The following NBAS variants were observed in gnomAD, a reference collection of about 807,000 sequenced individuals.
NBAS encodes the protein NAG/BC035112 fusion.
NBAS carries 219 observed loss-of-function variants against 302.5 expected under a neutral mutation model. That is an observed-to-expected ratio of 0.72 (90% CI 0.65 to 0.81). The LOEUF is 0.81. NBAS is among the 30% of genes least tolerant of loss of function. The probability of loss-of-function intolerance (pLI) is 0.00; values close to 1 mark genes in which losing one functional copy is unlikely to be tolerated. For missense variants in NBAS, 2,932 were observed against 2,841.6 expected, an observed-to-expected ratio of 1.03 and a Z score of -0.72; for synonymous variants, 1,118 against 1,021.6, an observed-to-expected ratio of 1.09 and a Z score of -1.80.
the NBAS span, among the ~76,000 whole-genome samples, chr2:15,021,196 G>T: frequency 5.9e-3 from 905 of 152,130 alleles, 9 homozygotes; most frequent in South Asian, 0.03. Context: ...TCTTGCCACT[G>T]CACCCCAGCC....
At chr2:14,821,716 G>C in the NBAS span, among the ~76,000 whole-genome samples, 1 of 151,966 alleles carries the variant, frequency 6.6e-6, no homozygotes, top group Non-Finnish European at 1.5e-5. Flanking sequence ...TGTCTGGTTA[G>C]ATACATCCAA....
chr2:14,956,555 T>A, the NBAS span, among the ~76,000 whole-genome samples: 9 of 152,062 alleles, frequency 5.9e-5, 1 homozygote, highest in Middle Eastern at 0.017. Context: ...AGAAAAGAGG[T>A]TTAATTGACT....
At chr2:14,973,895 T>G in the NBAS span, among the ~76,000 whole-genome samples, 3 of 152,108 alleles carry the variant, frequency 2.0e-5, no homozygotes, top group Non-Finnish European at 4.4e-5. Flanking sequence ...ACAAAATAAC[T>G]CCAACCTCTT....
the NBAS span, among the ~76,000 whole-genome samples, chr2:14,863,837 T>A: frequency 6.6e-6 from 1 of 152,246 alleles, no homozygotes; most frequent in Admixed American, 6.5e-5. Flanking sequence ...TTTAAAAGCT[T>A]ACTACCTTCC....
chr2:15,190,211 C>T, intron 49 of NBAS, 53 bp downstream of exon 49: 1 of 1,601,280 alleles, frequency 6.2e-7, no homozygotes, highest in Non-Finnish European at 8.6e-7. Flanking sequence ...ATTTTTAGGG[C>T]TAAAGTCCAA....
chr2:15,373,952 A>G (rs1412591813), intron 31 of NBAS, among the ~76,000 whole-genome samples: 5 of 152,190 alleles, frequency 3.3e-5, no homozygotes, highest in African/African-American at 9.6e-5. Context: ...ACCTTCCTCA[A>G]CAGGGAAGGT....
chr2:15,167,272 T>C lies in NBAS; in HGVS notation c.6892A>G (p.Lys2298Glu), dbSNP rs1443086881. Residue 2298 changes from lysine (K) to glutamate (E), a missense_variant, in exon 52 of 52, where the codon AAG becomes GAG. Physicochemically the swap from Lys to Glu is moderately conservative, Grantham distance 56. Transcript: ENST00000281513. Reference protein sequence around the residue: ...QELLSLLLDAKLLVKCVSTPF... With the variant: ...QELLSLLLDAELLVKCVSTPF... Reference sequence around the variant, plus strand: ...GTGGAGACACACTTCACCAGCAGCTTGGCATCCAGGAGCAGGGAAAGAAGT... The same window carrying C: ...GTGGAGACACACTTCACCAGCAGCTCGGCATCCAGGAGCAGGGAAAGAAGT... The C allele has an allele frequency of 6.2e-7, 1 of 1,614,252 alleles. No homozygotes were observed. Among genetic ancestry groups the C allele is most frequent in the African/African-American group, 1.3e-5 (1 of 75,076 alleles).
chr2:15,160,170 G>A, the NBAS span, among the ~76,000 whole-genome samples: 1 of 152,102 alleles, frequency 6.6e-6, no homozygotes, highest in Non-Finnish European at 1.5e-5. Context: ...GATGGCTCTG[G>A]TGATTGCAGG....
chr2:15,383,513 T>G (rs546656935), intron 28 of NBAS, among the ~76,000 whole-genome samples, 196 bp from the exon 29 acceptor site: 5 of 152,186 alleles, frequency 3.3e-5, no homozygotes, highest in Non-Finnish European at 7.3e-5. Flanking sequence ...AGGGGAAAGT[T>G]GGGCAGCTAT....
At chr2:14,875,893 G>A in the NBAS span, among the ~76,000 whole-genome samples, 1 of 152,208 alleles carries the variant, frequency 6.6e-6, no homozygotes, top group East Asian at 1.9e-4. Context: ...ATCAATGGCT[G>A]CGTATCATGA....
rs1397236053 is a variant in NBAS, at chr2:15,492,351, T to C, written c.955-3329A>G. On this transcript the variant is annotated intron_variant, in intron 11 of 51. Coordinates refer to ENST00000281513, the MANE Select transcript of NBAS (RefSeq NM_015909.4). ...AGTAAGATGATAGAGTTATTAGTAGTAATTGGATTGTAGCCACTCAAGATT... is the reference window on the plus strand; with the variant it reads ...AGTAAGATGATAGAGTTATTAGTAGCAATTGGATTGTAGCCACTCAAGATT... Among the ~76,000 whole-genome samples the C allele has an allele frequency of 2.6e-5, 4 of 152,232 alleles. No homozygotes were observed. In the East Asian group the frequency reaches 5.8e-4, roughly 22 times the overall value.
chr2:14,837,018 C>A, the NBAS span, among the ~76,000 whole-genome samples: 20 of 151,778 alleles, frequency 1.3e-4, no homozygotes, highest in Admixed American at 1.3e-4. Flanking sequence ...CTATTAGCAA[C>A]CTTGCTAAAC....
At chr2:15,103,825 T>C in the NBAS span, among the ~76,000 whole-genome samples, 1 of 152,178 alleles carries the variant, frequency 6.6e-6, no homozygotes. Context: ...TGTAGCTTAC[T>C]TCTATCACAT....
At chr2:15,029,986 AT>A in the NBAS span, among the ~76,000 whole-genome samples, 5 of 152,334 alleles carry the variant, frequency 3.3e-5, no homozygotes, top group African/African-American at 1.2e-4. Context: ...AAAAGGATTC[AT>A]TTTTCAAAAA....
intron 20 of NBAS, 54 bp from the exon 21 acceptor site, chr2:15,461,391 T>C (rs1301974261): frequency 3.2e-6 from 5 of 1,570,198 alleles, no homozygotes; most frequent in East Asian, 2.2e-5. Flanking sequence ...AATAAAGGAG[T>C]GATTTTATAT....
rs556148067 is a variant in NBAS at position 15,441,387 on chromosome 2, T to A, written c.2340-13593A>T. ...AAAGAAAAGAATTTTCAAACCAGAA[T>A]TTCATATCCAGCCAAACTAAGCTTC... On this transcript the variant is annotated intron_variant, in intron 21 of 51. Coordinates refer to ENST00000281513, the MANE Select transcript of NBAS (RefSeq NM_015909.4). Among the ~76,000 whole-genome samples, 57 of 152,206 alleles carry A rather than the reference T, an allele frequency of 3.7e-4. 2 individuals are homozygous for A. The South Asian group carries it at 0.012, about 32-fold the overall frequency.
At chr2:14,793,836 C>T in the NBAS span, among the ~76,000 whole-genome samples, 7 of 151,824 alleles carry the variant, frequency 4.6e-5, no homozygotes, top group Non-Finnish European at 1.0e-4. Context: ...AACAGGGGCA[C>T]ACTAATTCAA....
intron 21 of NBAS, among the ~76,000 whole-genome samples, chr2:15,456,843 G>A (rs113981790): frequency 3.9e-5 from 6 of 152,266 alleles, no homozygotes; most frequent in African/African-American, 1.4e-4. Flanking sequence ...GGAAGGCCAA[G>A]GAAGATCAGA....
chr2:15,005,638 A>T, the NBAS span, among the ~76,000 whole-genome samples: 2 of 152,362 alleles, frequency 1.3e-5, no homozygotes, highest in Non-Finnish European at 2.9e-5. Flanking sequence ...CCAGAGTTCC[A>T]GTGGCATTTC....
Sources: gnomAD v4.1 joint callset for allele counts (sites outside exome capture counted in the v4.1 genomes callset) on GRCh38, gnomAD v4.1.1 for gene constraint, MANE v1.5 for transcripts, NCBI Gene and HGNC (gene_info 2026-07-23, HGNC 2026-07-21) for gene names.